GRIK4: variants seen among roughly 807,000 people sequenced by gnomAD.
The protein encoded by GRIK4 is glutamate ionotropic receptor kainate type subunit 4, also known as glutamate receptor ionotropic, kainate 4.
A neutral mutation model predicts 104.9 loss-of-function variants in GRIK4; 40 were observed. The observed-to-expected ratio is 0.38, with a 90% CI of 0.30 to 0.50. The LOEUF is 0.50. GRIK4 is among the 20% of genes least tolerant of loss of function. The pLI, the probability that GRIK4 is intolerant of heterozygous loss-of-function variation, is 0.93. For missense variants in GRIK4, 1,047 were observed against 1,308.1 expected, an observed-to-expected ratio of 0.80 and a Z score of 3.08; for synonymous variants, 485 against 524.9, an observed-to-expected ratio of 0.92 and a Z score of 1.04.
intron 7 of GRIK4, among the ~76,000 whole-genome samples, chr11:120,836,467 T>C (rs189700994): frequency 1.2e-4 from 19 of 152,366 alleles, no homozygotes; most frequent in African/African-American, 4.3e-4. Context: ...ATTTGCTTCA[T>C]TTCCCTAAAA....
At chr11:120,603,937 G>A (rs904609976) in intron 1 of GRIK4, among the ~76,000 whole-genome samples, 2 of 151,646 alleles carry the variant, frequency 1.3e-5, no homozygotes, top group Non-Finnish European at 2.9e-5. Flanking sequence ...TTGGGAGGCC[G>A]AGGAAGGCGG....
chr11:120,637,161 T>C (rs936666394), intron 1 of GRIK4, among the ~76,000 whole-genome samples: 5 of 147,306 alleles, frequency 3.4e-5, no homozygotes, highest in African/African-American at 1.3e-4. Flanking sequence ...GAGAGAACCA[T>C]GAACACATAT....
At chr11:120,742,528 T>TATTATTA (rs201198529) in intron 3 of GRIK4, among the ~76,000 whole-genome samples, 1 of 150,124 alleles carries the variant, frequency 6.7e-6, no homozygotes, top group Non-Finnish European at 1.5e-5. Flanking sequence ...TTATTATTAT[T>TATTATTA]TTTTTTTGAG....
intron 9 of GRIK4, among the ~76,000 whole-genome samples, chr11:120,866,208 A>C (rs11603526): frequency 0.034 from 5,194 of 152,242 alleles, 271 homozygotes; most frequent in African/African-American, 0.12. Context: ...AGCCGCTGTT[A>C]TCCGGATGCG....
intron 1 of GRIK4, among the ~76,000 whole-genome samples, chr11:120,565,027 C>T (rs558743548): frequency 1.3e-3 from 199 of 152,354 alleles, no homozygotes; most frequent in African/African-American, 4.6e-3. Context: ...CCTCCTGTCC[C>T]GGCCTCGTGC....
At chr11:120,679,318 T>A (rs1950154775) in intron 3 of GRIK4, among the ~76,000 whole-genome samples, 1 of 152,166 alleles carries the variant, frequency 6.6e-6, no homozygotes, top group South Asian at 2.1e-4. Context: ...CCTTCTTCTC[T>A]TTTGGTTAAG....
At chr11:120,868,797 G>A (rs1481365762) in intron 9 of GRIK4, 1 of 152,278 alleles carries the variant, frequency 6.6e-6, no homozygotes. Context: ...GTGTTGGCCA[G>A]GATGGTCTCG....
intron 3 of GRIK4, among the ~76,000 whole-genome samples, chr11:120,720,876 G>A (rs1325836285): frequency 3.3e-5 from 5 of 152,094 alleles, no homozygotes; most frequent in Non-Finnish European, 7.4e-5. Context: ...GGGTGAGGAT[G>A]GAGGGAAAAG....
At chr11:120,646,447 T>A (rs1346852203) in intron 1 of GRIK4, among the ~76,000 whole-genome samples, 3 of 152,186 alleles carry the variant, frequency 2.0e-5, no homozygotes, top group African/African-American at 7.2e-5. Context: ...ACTGCCTCCT[T>A]CTGGGAGTTT....
At chr11:120,582,234 C>T (rs1166653894) in intron 1 of GRIK4, among the ~76,000 whole-genome samples, 1 of 149,052 alleles carries the variant, frequency 6.7e-6, no homozygotes, top group Non-Finnish European at 1.5e-5. Flanking sequence ...TAATAACAGT[C>T]TTTGTTTCTT....
chr11:120,574,919 A>T (rs926874192), intron 1 of GRIK4, among the ~76,000 whole-genome samples: 2 of 152,088 alleles, frequency 1.3e-5, no homozygotes, highest in Non-Finnish European at 2.9e-5. Flanking sequence ...CAGGAAAGGG[A>T]CCCCTGACCT....
At chr11:120,711,764 T>A (rs1048107913) in intron 3 of GRIK4, among the ~76,000 whole-genome samples, 1 of 152,196 alleles carries the variant, frequency 6.6e-6, no homozygotes, top group South Asian at 2.1e-4. Context: ...AGAAGGCCTT[T>A]TGTGGCTGGA....
intron 14 of GRIK4, among the ~76,000 whole-genome samples, chr11:120,951,337 T>C (rs1177375232): frequency 6.6e-6 from 1 of 152,226 alleles, no homozygotes; most frequent in Non-Finnish European, 1.5e-5. Flanking sequence ...GCCGTGGAAA[T>C]AGCTATTGCT....
At chr11:120,528,325 A>C (rs1004356739) in intron 1 of GRIK4, among the ~76,000 whole-genome samples, 1 of 151,974 alleles carries the variant, frequency 6.6e-6, no homozygotes, top group Non-Finnish European at 1.5e-5. Context: ...GTTAGCCAGG[A>C]TGGTCTTGAT....
chr11:120,827,688 C>T lies in GRIK4; in HGVS notation c.512-4164C>T, dbSNP rs541014667. ...CACTTTTCCTAATGTAAATTTCTTCCACTGCCTAGAATTAAAAAGTATCCT... is the reference window on the plus strand; with the variant it reads ...CACTTTTCCTAATGTAAATTTCTTCTACTGCCTAGAATTAAAAAGTATCCT... On this transcript the variant is annotated intron_variant, in intron 6 of 20. Transcript: ENST00000527524. Among the ~76,000 whole-genome samples the T allele has an allele frequency of 2.6e-4, 40 of 152,342 alleles. No homozygotes were observed. The South Asian group carries it at 6.4e-3, about 24-fold the overall frequency.
intron 1 of GRIK4, among the ~76,000 whole-genome samples, chr11:120,527,703 G>A (rs1249181005): frequency 2.0e-5 from 3 of 152,240 alleles, no homozygotes. Context: ...GGCCTTGTCT[G>A]GTGAGAGAGA....
chr11:120,530,493 A>G (rs781575627), intron 1 of GRIK4, among the ~76,000 whole-genome samples: 37 of 152,332 alleles, frequency 2.4e-4, no homozygotes, highest in Middle Eastern at 3.4e-3. Flanking sequence ...CACATTTGCC[A>G]ACAGAGGCAG....
At chr11:120,778,433 A>C (rs1952085140) in intron 3 of GRIK4, among the ~76,000 whole-genome samples, 1 of 152,244 alleles carries the variant, frequency 6.6e-6, no homozygotes, top group Non-Finnish European at 1.5e-5. Flanking sequence ...GTGAGATGAA[A>C]ATAAATTTAA....
chr11:120,531,497 G>T (rs1947923104), intron 1 of GRIK4, among the ~76,000 whole-genome samples: 1 of 152,156 alleles, frequency 6.6e-6, no homozygotes, highest in African/African-American at 2.4e-5. Flanking sequence ...CATATTACTG[G>T]ATCAGGAAAC....
Sources: gnomAD v4.1 joint callset for allele counts (sites outside exome capture counted in the v4.1 genomes callset) on GRCh38, gnomAD v4.1.1 for gene constraint, MANE v1.5 for transcripts, NCBI Gene and HGNC (gene_info 2026-07-23, HGNC 2026-07-21) for gene names.